PSD3: variants seen among roughly 807,000 people sequenced by gnomAD.
PSD3 encodes the protein PH and SEC7 domain-containing protein 3.
Under a neutral mutation model 105.5 loss-of-function variants are expected in PSD3, and 49 were observed. The ratio of observed to expected loss-of-function variants is 0.46; its 90% CI spans 0.37 to 0.59. The LOEUF (loss-of-function observed/expected upper bound fraction) is 0.59. PSD3 is among the 20% of genes least tolerant of loss of function. PSD3 has a pLI of 0.00. For missense variants in PSD3, 1,561 were observed against 1,263.8 expected (o/e 1.24, Z -3.57); for synonymous variants, 557 against 457.8 (o/e 1.22, Z -2.77).
At chr8:18,734,592 C>T (rs970021266) in intron 9 of PSD3, among the ~76,000 whole-genome samples, 4 of 152,124 alleles carry the variant, frequency 2.6e-5, no homozygotes, top group Admixed American at 6.5e-5. Flanking sequence ...TTTGGAGGCA[C>T]TAACAGTAAA....
At chr8:18,775,054 C>A (rs1336085191) in intron 8 of PSD3, 5 of 427,658 alleles carry the variant, frequency 1.2e-5, no homozygotes, top group Middle Eastern at 3.4e-4. Context: ...AATCTACTCT[C>A]TACCTTCATG....
At chr8:18,960,343 G>A (rs1823839004) in intron 1 of PSD3, among the ~76,000 whole-genome samples, 2 of 152,164 alleles carry the variant, frequency 1.3e-5, no homozygotes, top group African/African-American at 4.8e-5. Context: ...AGTAATCGAT[G>A]GCATGTCTGA....
chr8:18,940,533 A>G (rs1448168659), intron 1 of PSD3: 1 of 152,244 alleles, frequency 6.6e-6, no homozygotes, highest in Non-Finnish European at 1.5e-5. Context: ...AAAGTGCTCC[A>G]TTAACATACT....
At chr8:18,545,176 T>C (rs1032172671) in intron 15 of PSD3, among the ~76,000 whole-genome samples, 2 of 152,222 alleles carry the variant, frequency 1.3e-5, no homozygotes, top group African/African-American at 4.8e-5. Context: ...TATTCAGCTT[T>C]TCATCTCTTT....
chr8:18,778,585 G>A (rs1232183350), intron 8 of PSD3, among the ~76,000 whole-genome samples: 3 of 151,988 alleles, frequency 2.0e-5, no homozygotes, highest in African/African-American at 7.2e-5. Context: ...GTTAGCTGCA[G>A]CTTTGTCATA....
intron 8 of PSD3, among the ~76,000 whole-genome samples, chr8:18,798,395 T>C (rs1810377417): frequency 6.6e-6 from 1 of 152,122 alleles, no homozygotes; most frequent in Admixed American, 6.6e-5. Flanking sequence ...GGTGGAACCC[T>C]TTCTCCCTGA....
At chr8:18,942,092 A>T (rs1454008749) in intron 1 of PSD3, among the ~76,000 whole-genome samples, 1 of 152,140 alleles carries the variant, frequency 6.6e-6, no homozygotes, top group African/African-American at 2.4e-5. Context: ...GAAGGGAATG[A>T]TGGGGCTAGA....
intron 13 of PSD3, among the ~76,000 whole-genome samples, chr8:18,573,091 G>C (rs1439343001): frequency 6.6e-6 from 1 of 152,174 alleles, no homozygotes; most frequent in Non-Finnish European, 1.5e-5. Flanking sequence ...TTGGAAAACA[G>C]CTGACAGGTT....
chr8:18,945,290 A>G (rs1398613036), intron 1 of PSD3, among the ~76,000 whole-genome samples: 3 of 118,206 alleles, frequency 2.5e-5, no homozygotes, highest in Non-Finnish European at 3.7e-5. Context: ...ATGTATCCTT[A>G]TAAGAGGGAA....
chr8:18,933,704 G>A (rs577666690), intron 2 of PSD3, among the ~76,000 whole-genome samples: 50 of 152,142 alleles, frequency 3.3e-4, no homozygotes, highest in Non-Finnish European at 6.8e-4. Context: ...CTGACCTCTG[G>A]TGATCCATCC....
intron 9 of PSD3, among the ~76,000 whole-genome samples, chr8:18,719,270 G>C (rs1364016359): frequency 6.6e-6 from 1 of 152,110 alleles, no homozygotes. Flanking sequence ...CTCTAAACAA[G>C]ACTGCATTCT....
chr8:18,585,064 C>T (rs1336231771), intron 12 of PSD3, among the ~76,000 whole-genome samples: 5 of 152,202 alleles, frequency 3.3e-5, no homozygotes, highest in Middle Eastern at 3.4e-3. Context: ...TATGCCACAT[C>T]GCTAGCTCCA....
At chr8:18,949,004 T>C (rs1448913800) in intron 1 of PSD3, among the ~76,000 whole-genome samples, 1 of 151,224 alleles carries the variant, frequency 6.6e-6, no homozygotes, top group Non-Finnish European at 1.5e-5. Context: ...AGGCAAAAGA[T>C]TGCTCTTGAT....
At chr8:19,051,421 T>A (rs1214916056) in intron 1 of PSD3, among the ~76,000 whole-genome samples, 1 of 152,218 alleles carries the variant, frequency 6.6e-6, no homozygotes, top group Non-Finnish European at 1.5e-5. Flanking sequence ...TCTTTAGTTA[T>A]CTATAAACTC....
intron 4 of PSD3, among the ~76,000 whole-genome samples, chr8:18,837,664 G>A (rs1266296287): frequency 2.0e-5 from 3 of 152,186 alleles, no homozygotes; most frequent in African/African-American, 7.2e-5. Context: ...TCTAGGCCAG[G>A]CATGGTGGCT....
intron 9 of PSD3, among the ~76,000 whole-genome samples, chr8:18,688,590 C>T (rs1800793386): frequency 6.6e-6 from 1 of 152,340 alleles, no homozygotes; most frequent in East Asian, 1.9e-4. Flanking sequence ...AATACCCCTG[C>T]AATGTATCAC....
At chr8:18,966,772 T>C (rs1466346746) in intron 1 of PSD3, among the ~76,000 whole-genome samples, 2 of 152,098 alleles carry the variant, frequency 1.3e-5, no homozygotes, top group African/African-American at 2.4e-5. Flanking sequence ...TCAATTTGAA[T>C]AGATGGTCAT....
intron 4 of PSD3, among the ~76,000 whole-genome samples, chr8:18,805,499 TTC>T (rs1554508221): frequency 6.6e-6 from 1 of 152,210 alleles, no homozygotes; most frequent in Non-Finnish European, 1.5e-5. Flanking sequence ...ATTGTGGATA[TTC>T]TTTTTTGATA....
At chr8:18,841,994 A>C (rs1814663522) in intron 4 of PSD3, among the ~76,000 whole-genome samples, 1 of 152,210 alleles carries the variant, frequency 6.6e-6, no homozygotes, top group Non-Finnish European at 1.5e-5. Flanking sequence ...CACGTGTCAC[A>C]GGAGCAGAAA....
Sources: allele counts gnomAD v4.1 joint callset (sites outside exome capture counted in the v4.1 genomes callset), GRCh38; gene constraint gnomAD v4.1.1; transcripts MANE v1.5; gene names NCBI Gene and HGNC (gene_info 2026-07-23, HGNC 2026-07-21).